Variants in TMEM33 observed in about 807,000 individuals in gnomAD.
The protein encoded by TMEM33 is transmembrane protein 33.
A neutral mutation model predicts 29.7 loss-of-function variants in TMEM33; 16 were observed. The ratio of observed to expected loss-of-function variants is 0.54; its 90% CI spans 0.36 to 0.82. The LOEUF is 0.82. TMEM33 is among the 40% of genes least tolerant of loss of function. The probability of loss-of-function intolerance (pLI) is 0.00; values close to 1 mark genes in which losing one functional copy is unlikely to be tolerated. For missense variants in TMEM33, 252 were observed against 295.3 expected, an observed-to-expected ratio of 0.85 and a Z score of 1.08; for synonymous variants, 112 against 109.4, an observed-to-expected ratio of 1.02 and a Z score of -0.15.
At chr4:41,938,482 C>G (rs1712354928) in intron 1 of TMEM33, 120 bp from the exon 2 acceptor site, 1 of 928,220 alleles carries the variant, frequency 1.1e-6, no homozygotes, top group Non-Finnish European at 1.7e-6. Context: ...ACCTAATGAT[C>G]TAAAAAAACA....
chr4:41,948,040 G>C (rs1712870430), intron 5 of TMEM33, among the ~76,000 whole-genome samples: 1 of 152,144 alleles, frequency 6.6e-6, no homozygotes, highest in Admixed American at 6.5e-5. Flanking sequence ...TGTGATATGG[G>C]ATAATCACCA....
intron 3 of TMEM33, among the ~76,000 whole-genome samples, chr4:41,940,357 A>C (rs1306052333): frequency 6.6e-6 from 1 of 152,096 alleles, no homozygotes; most frequent in Non-Finnish European, 1.5e-5. Context: ...ATACATCTGT[A>C]TGTTATGTAA....
chr4:41,953,639 A>G, intron 6 of TMEM33: 1 of 402,948 alleles, frequency 2.5e-6, no homozygotes, highest in South Asian at 1.8e-5. Context: ...AGAGGCCATT[A>G]CAGGGTTATT....
chr4:41,951,795 A>G (rs911437636), intron 6 of TMEM33, among the ~76,000 whole-genome samples: 1 of 152,190 alleles, frequency 6.6e-6, no homozygotes, highest in African/African-American at 2.4e-5. Flanking sequence ...GTTCTGACAC[A>G]TGGGTGCCTG....
chr4:41,937,648 A>G (rs1712306461), intron 1 of TMEM33, among the ~76,000 whole-genome samples: 1 of 152,216 alleles, frequency 6.6e-6, no homozygotes, highest in Non-Finnish European at 1.5e-5. Context: ...TATATACAGT[A>G]GGGTAAATAT....
chr4:41,939,201 A>G lies in TMEM33; in HGVS notation c.146A>G (p.His49Arg), dbSNP rs1712396221. The change falls in exon 3 of 7, where the codon CAT (histidine) becomes CGT (arginine). Residue 49 changes from histidine to arginine, a missense_variant. By Grantham distance (29) the His-to-Arg change is conservative. Transcript: ENST00000504986. Reference protein sequence around the residue: ...ALFVLPLLGLHEAASFYQRAL... With the variant: ...ALFVLPLLGLREAASFYQRAL... ...TCTCCTCTGGTAATTTGCAGGTTGCATGAAGCAGCAAGCTTTTACCAACGT... is the reference window on the plus strand; with the variant it reads ...TCTCCTCTGGTAATTTGCAGGTTGCGTGAAGCAGCAAGCTTTTACCAACGT... 5 of 1,594,884 alleles carry G rather than the reference A, an allele frequency of 3.1e-6. No homozygotes were observed. The highest frequency in any genetic ancestry group is 1.4e-5 in the African/African-American group (1 of 73,700).
chr4:41,943,819 G>A lies in TMEM33; in HGVS notation c.396+5G>A, dbSNP rs1464826465. 1.2e-6 allele frequency: 2 copies of A among 1,612,952 alleles called. No individual in the cohort carries two copies. The highest frequency in any genetic ancestry group is 1.1e-5 in the South Asian group (1 of 91,038). On this transcript the variant is annotated splice_donor_5th_base_variant and intron_variant, in intron 4 of 6. Coordinates refer to ENST00000504986, the MANE Select transcript of TMEM33 (RefSeq NM_018126.3). ...TATACGAAAAAGGTCCTTGACGTAAGTAAAACTGCTCTTTGTCTGACTTCT... is the reference window on the plus strand; with the variant it reads ...TATACGAAAAAGGTCCTTGACGTAAATAAAACTGCTCTTTGTCTGACTTCT...
intron 4 of TMEM33, among the ~76,000 whole-genome samples, 182 bp from the exon 5 acceptor site, chr4:41,944,608 AAAT>A (rs1712695844): frequency 6.6e-6 from 1 of 152,182 alleles, no homozygotes; most frequent in Admixed American, 6.5e-5. Context: ...TTAAGTCTAA[AAAT>A]GTAAAAAAGC....
chr4:41,953,502 A>C (rs2135751), intron 6 of TMEM33, among the ~76,000 whole-genome samples: 1 of 152,204 alleles, frequency 6.6e-6, no homozygotes, highest in African/African-American at 2.4e-5. Context: ...CAGCTTGGCT[A>C]TTTGGCACAA....
upstream of TMEM33, chr4:41,935,162 A>G (rs1336767886): frequency 4.3e-6 from 2 of 462,754 alleles, no homozygotes; most frequent in South Asian, 2.3e-5. Flanking sequence ...AATAACCTGG[A>G]GCCGGCGGCG....
Position 41,943,806 on chromosome 4 carries a change from G to A in TMEM33, c.388G>A (p.Val130Ile), listed in dbSNP as rs1028919920. ...LLHAATYTKK[V>I]LDARGSNSLP... ...TCATGCTGCCACATATACGAAAAAGGTCCTTGACGTAAGTAAAACTGCTCT... is the reference window on the plus strand; with the variant it reads ...TCATGCTGCCACATATACGAAAAAGATCCTTGACGTAAGTAAAACTGCTCT... Residue 130 changes from valine to isoleucine, a missense_variant, in exon 4 of 7, where the codon GTC becomes ATC. Coordinates refer to ENST00000504986, the MANE Select transcript of TMEM33 (RefSeq NM_018126.3). 1.9e-6 allele frequency: 3 copies of A among 1,613,696 alleles called. No homozygotes were observed. The highest frequency in any genetic ancestry group is 3.3e-5 in the Admixed American group (2 of 60,010).
chr4:41,956,006 C>T lies in TMEM33; in HGVS notation c.*1807C>T, dbSNP rs955128354. On this transcript the variant is annotated 3_prime_UTR_variant, in exon 7 of 7. Coordinates refer to ENST00000504986, the MANE Select transcript of TMEM33 (RefSeq NM_018126.3). ...TTGTTTTTGTTTTTTGAGACAGAGT[C>T]TGTCTCTGTCGCCAAGGCTGGAGTG... 1.3e-5 allele frequency: 2 copies of T among 152,158 alleles called. No individual in the cohort carries two copies. The highest frequency in any genetic ancestry group is 4.8e-5 in the African/African-American group (2 of 41,358). 9.4% of individuals were successfully genotyped at this position (152,158 alleles called of 1,614,324 possible).
chr4:41,951,398 CT>C (rs1713034757), intron 6 of TMEM33, among the ~76,000 whole-genome samples: 1 of 152,126 alleles, frequency 6.6e-6, no homozygotes, highest in Non-Finnish European at 1.5e-5. Context: ...CTGACTGGTC[CT>C]TCAGCACAGA....
At position 41,956,534 on chromosome 4, in the gene TMEM33, G is replaced by A. The variant is rs1713284989; in HGVS notation, c.*2335G>A. 1 of 151,644 alleles carries A rather than the reference G, an allele frequency of 6.6e-6. No individual in the cohort carries two copies. Among genetic ancestry groups the A allele is most frequent in the African/African-American group, 2.4e-5 (1 of 41,234 alleles). The allele number at this position is 151,644 out of a possible 1,614,324, so 9.4% of individuals were successfully genotyped here. The stretch of plus-strand genomic sequence containing the variant: ...AATCATGATTGTCTTTTAAAGATCT[G>A]TGTGTCTCTGTTTTGAGTTTTTCCT... On this transcript the variant is annotated 3_prime_UTR_variant, in exon 7 of 7. Coordinates refer to ENST00000504986, the MANE Select transcript of TMEM33 (RefSeq NM_018126.3).
At chr4:41,950,651 T>C (rs1560519160) in intron 6 of TMEM33, among the ~76,000 whole-genome samples, 1 of 152,182 alleles carries the variant, frequency 6.6e-6, no homozygotes, top group African/African-American at 2.4e-5. Flanking sequence ...CATTCGTTCT[T>C]AGTGAGTCTC....
intron 5 of TMEM33, 80 bp from the exon 6 acceptor site, chr4:41,949,222 A>T: frequency 2.3e-6 from 2 of 869,824 alleles, no homozygotes; most frequent in Non-Finnish European, 1.8e-6. Context: ...CATATTCTCC[A>T]GTTGAATTGC....
chr4:41,950,627 G>C (rs1028792707), intron 6 of TMEM33, among the ~76,000 whole-genome samples: 20 of 152,016 alleles, frequency 1.3e-4, no homozygotes, highest in African/African-American at 4.3e-4. Flanking sequence ...TTCTAAAATA[G>C]AACTTATTTT....
rs1712672236 is a variant in TMEM33 at position 41,944,097 on chromosome 4, C to G, written c.396+283C>G. On this transcript the variant is annotated intron_variant, in intron 4 of 6. Coordinates refer to ENST00000504986, the MANE Select transcript of TMEM33 (RefSeq NM_018126.3). The stretch of plus-strand genomic sequence containing the variant: ...ATCAGTTTTTTTGAAACCTGTGTCT[C>G]TAAAGTTTGTTGAGTTGTCAGATCT... 5.5e-6 allele frequency: 2 copies of G among 360,468 alleles called. 1 individual carries two copies. Among genetic ancestry groups the G allele is most frequent in the South Asian group, 7.1e-5 (2 of 28,296 alleles). The allele number at this position is 360,468 out of a possible 1,614,324, so 22.3% of individuals were successfully genotyped here.
Position 41,935,488 on chromosome 4 carries a change from G to T in TMEM33, c.4G>T (p.Ala2Ser), listed in dbSNP as rs1436699618. 1 of 1,609,606 alleles carries T rather than the reference G, an allele frequency of 6.2e-7. No individual in the cohort carries two copies. The highest frequency in any genetic ancestry group is 2.2e-5 in the East Asian group (1 of 44,748). ...GCAGACGCTAGTGTGAGCCCCCATG[G>T]CAGATACGACCCCGAACGGCCCCCA... M[A>S]DTTPNGPQGA... The change falls in exon 1 of 7, where the codon GCA becomes TCA. Residue 2 changes from alanine (A) to serine (S), a missense_variant. Coordinates refer to ENST00000504986, the MANE Select transcript of TMEM33 (RefSeq NM_018126.3).
Sources: allele counts gnomAD v4.1 joint callset (sites outside exome capture counted in the v4.1 genomes callset), GRCh38; gene constraint gnomAD v4.1.1; transcripts MANE v1.5; gene names NCBI Gene and HGNC (gene_info 2026-07-23, HGNC 2026-07-21).